PCDH11Y: variants seen among roughly 807,000 people sequenced by gnomAD.
The protein encoded by PCDH11Y is protocadherin 11 Y-linked.
For missense variants in PCDH11Y, 12 were observed against 224.8 expected (o/e 0.05, Z 6.05); for synonymous variants, 9 against 83.6 (o/e 0.11, Z 4.87).
At chrY:5,279,077 T>C in intron 2 of PCDH11Y, among the ~76,000 whole-genome samples, 1 of 32,834 alleles carries the variant, frequency 3.0e-5, no homozygotes, top group Non-Finnish European at 7.4e-5. Flanking sequence ...CACCAGAAGT[T>C]CAAGGAAGAA....
At chrY:5,477,434 G>A (rs1468323486) in intron 2 of PCDH11Y, among the ~76,000 whole-genome samples, 2,657 of 31,422 alleles carry the variant, frequency 0.085, no homozygotes, top group East Asian at 0.057. Flanking sequence ...GAGGATTTTC[G>A]CATGGACGTT....
intron 1 of PCDH11Y, among the ~76,000 whole-genome samples, chrY:5,064,666 T>TTGTGTGTG: frequency 5.3e-5 from 1 of 18,888 alleles, no homozygotes; most frequent in Non-Finnish European, 1.1e-4. Context: ...ACATACATAC[T>TTGTGTGTG]TGTGTGTGTG....
At chrY:5,273,826 G>A in intron 2 of PCDH11Y, among the ~76,000 whole-genome samples, 2 of 33,899 alleles carry the variant, frequency 5.9e-5, no homozygotes, top group Non-Finnish European at 1.5e-4. Flanking sequence ...AGACATTGCA[G>A]GATAATTTCA....
At chrY:5,253,411 G>C in intron 2 of PCDH11Y, among the ~76,000 whole-genome samples, 2 of 32,944 alleles carry the variant, frequency 6.1e-5, no homozygotes, top group Admixed American at 5.7e-4. Flanking sequence ...GTACAAAGGA[G>C]GCCAAAAACA....
At chrY:5,509,206 T>C in intron 3 of PCDH11Y, among the ~76,000 whole-genome samples, 1 of 32,579 alleles carries the variant, frequency 3.1e-5, no homozygotes, top group Non-Finnish European at 7.5e-5. Context: ...AAGGGGACTG[T>C]TACAATATAT....
intron 2 of PCDH11Y, among the ~76,000 whole-genome samples, chrY:5,205,506 A>G: frequency 3.8e-5 from 1 of 25,999 alleles, no homozygotes; most frequent in South Asian, 8.4e-4. Flanking sequence ...TACTGAATAT[A>G]TATATATATA....
chrY:5,435,393 G>A (rs374796941), intron 2 of PCDH11Y, among the ~76,000 whole-genome samples: 61 of 26,554 alleles, frequency 2.3e-3, no homozygotes, highest in African/African-American at 4.2e-3. Flanking sequence ...GGCTCACTGC[G>A]AGCTCCGCCA....
intron 2 of PCDH11Y, among the ~76,000 whole-genome samples, chrY:5,161,765 G>A: frequency 3.1e-5 from 1 of 31,856 alleles, no homozygotes; most frequent in South Asian, 7.2e-4. Context: ...TGGAATAAGA[G>A]GGACTAGATT....
At chrY:5,340,054 C>T in intron 2 of PCDH11Y, among the ~76,000 whole-genome samples, 2 of 32,263 alleles carry the variant, frequency 6.2e-5, no homozygotes, top group African/African-American at 2.4e-4. Context: ...TGAAGTCCCA[C>T]GATAGACTGT....
chrY:5,616,308 A>G, intron 4 of PCDH11Y, among the ~76,000 whole-genome samples: 1 of 33,692 alleles, frequency 3.0e-5, no homozygotes, highest in East Asian at 7.8e-4. Flanking sequence ...TCAGTTTCAA[A>G]TACAGCAAGG....
chrY:5,648,022 G>A, intron 4 of PCDH11Y, among the ~76,000 whole-genome samples: 1 of 33,102 alleles, frequency 3.0e-5, no homozygotes, highest in Non-Finnish European at 7.4e-5. Context: ...ACCTACAAAT[G>A]CATACTGTAA....
At chrY:5,597,561 T>G in intron 4 of PCDH11Y, among the ~76,000 whole-genome samples, 1 of 28,652 alleles carries the variant, frequency 3.5e-5, no homozygotes, top group Non-Finnish European at 8.2e-5. Flanking sequence ...ATTAATTTAT[T>G]ATTTTTTCAT....
At chrY:5,305,514 T>C in intron 2 of PCDH11Y, among the ~76,000 whole-genome samples, 1 of 33,234 alleles carries the variant, frequency 3.0e-5, no homozygotes, top group Non-Finnish European at 7.5e-5. Context: ...TTCTTGGTGA[T>C]AAAAATGTCC....
chrY:5,417,065 T>G, intron 2 of PCDH11Y, among the ~76,000 whole-genome samples: 2 of 30,771 alleles, frequency 6.5e-5, no homozygotes, highest in Non-Finnish European at 1.6e-4. Flanking sequence ...GAAATTCAAC[T>G]AAGCTAAGCC....
At chrY:5,385,250 A>ATT (rs2053212221) in intron 2 of PCDH11Y, among the ~76,000 whole-genome samples, 1 of 27,431 alleles carries the variant, frequency 3.6e-5, no homozygotes, top group Non-Finnish European at 8.5e-5. Flanking sequence ...GAATCTCCCA[A>ATT]GCAGCATACA....
chrY:5,439,357 A>G, intron 2 of PCDH11Y, among the ~76,000 whole-genome samples: 3 of 33,087 alleles, frequency 9.1e-5, no homozygotes, highest in Non-Finnish European at 1.5e-4. Context: ...TCTATGCCCA[A>G]GAATTCTAGA....
At chrY:5,428,440 T>C in intron 2 of PCDH11Y, among the ~76,000 whole-genome samples, 1 of 33,040 alleles carries the variant, frequency 3.0e-5, no homozygotes, top group Non-Finnish European at 7.5e-5. Context: ...GGATCATCAG[T>C]ATCACATCTT....
intron 3 of PCDH11Y, among the ~76,000 whole-genome samples, chrY:5,046,968 G>A (rs2052643568): frequency 1.8e-4 from 6 of 33,839 alleles, no homozygotes; most frequent in Non-Finnish European, 3.7e-4. Context: ...GCCCTGCTTC[G>A]CCTCGCGCAC....
chrY:5,509,917 G>T, intron 3 of PCDH11Y, among the ~76,000 whole-genome samples: 1 of 30,371 alleles, frequency 3.3e-5, no homozygotes, highest in Non-Finnish European at 7.9e-5. Context: ...TTGGGAGGCC[G>T]AGATGGGTGG....
Sources: gnomAD v4.1 joint callset for allele counts (sites outside exome capture counted in the v4.1 genomes callset) on GRCh38, gnomAD v4.1.1 for gene constraint, MANE v1.5 for transcripts, NCBI Gene and HGNC (gene_info 2026-07-23, HGNC 2026-07-21) for gene names.